Variants in KIAA0319 observed in about 807,000 individuals in gnomAD.
The protein encoded by KIAA0319 is dyslexia-associated protein KIAA0319.
KIAA0319 carries 83 observed loss-of-function variants against 108.4 expected under a neutral mutation model. The observed-to-expected ratio is 0.77, with a 90% CI of 0.64 to 0.92. KIAA0319 has a LOEUF of 0.92. Among genes scored for constraint, KIAA0319 ranks in the 40% least tolerant of loss-of-function variants. KIAA0319 has a pLI of 0.00. For missense variants in KIAA0319, 1,195 were observed against 1,322.4 expected, an observed-to-expected ratio of 0.90 and a Z score of 1.49; for synonymous variants, 484 against 510.4, an observed-to-expected ratio of 0.95 and a Z score of 0.70.
chr6:24,640,076 T>C (rs965268243), intron 1 of KIAA0319, among the ~76,000 whole-genome samples: 63 of 151,448 alleles, frequency 4.2e-4, no homozygotes, highest in Middle Eastern at 3.4e-3. Context: ...AAGGCTGCAA[T>C]TTTTTTTTAT....
chr6:24,548,351 T>C (rs934331393), intron 20 of KIAA0319, among the ~76,000 whole-genome samples: 2 of 152,202 alleles, frequency 1.3e-5, no homozygotes, highest in Admixed American at 6.5e-5. Context: ...AACAACCTCC[T>C]GCCTCACAGA....
At chr6:24,600,374 T>G (rs1039866457) in intron 2 of KIAA0319, among the ~76,000 whole-genome samples, 1 of 152,016 alleles carries the variant, frequency 6.6e-6, no homozygotes, top group African/African-American at 2.4e-5. Flanking sequence ...CTTTCTGGAG[T>G]GGCCCTCACA....
chr6:24,598,789 T>A, intron 2 of KIAA0319: 1 of 254,102 alleles, frequency 3.9e-6, no homozygotes, highest in Non-Finnish European at 7.8e-6. Flanking sequence ...GGCAGGAGAA[T>A]TCCTTGAACC....
chr6:24,555,266 C>A (rs1219418780), intron 18 of KIAA0319, among the ~76,000 whole-genome samples: 1 of 152,048 alleles, frequency 6.6e-6, no homozygotes, highest in African/African-American at 2.4e-5. Flanking sequence ...GGAGGCCGAA[C>A]GGGGCAGATG....
At chr6:24,631,598 G>T (rs2127587911) in intron 1 of KIAA0319, among the ~76,000 whole-genome samples, 1 of 152,230 alleles carries the variant, frequency 6.6e-6, no homozygotes, top group Admixed American at 6.5e-5. Flanking sequence ...CCCTACATTA[G>T]GAAAAACAAT....
chr6:24,634,787 T>C (rs1340984661), intron 1 of KIAA0319, among the ~76,000 whole-genome samples: 1 of 152,172 alleles, frequency 6.6e-6, no homozygotes, highest in Non-Finnish European at 1.5e-5. Context: ...AGGTTAAGGA[T>C]ATGCCTGGAA....
chr6:24,567,764 G>C (rs898823630), intron 13 of KIAA0319, among the ~76,000 whole-genome samples: 1 of 152,140 alleles, frequency 6.6e-6, no homozygotes, highest in Non-Finnish European at 1.5e-5. Context: ...CTTCAGAAAA[G>C]AGGGGCCAGG....
rs576099367 is a variant in KIAA0319 at position 24,591,576 on chromosome 6, G to A, written c.802-2791C>T. On this transcript the variant is annotated intron_variant, in intron 3 of 20. Transcript: ENST00000378214. ...TGCTGCACCGTGGCATTTTGACCTGGGTGTGGAACAAGACCCTGTCTCTCA... is the reference window on the plus strand; with the variant it reads ...TGCTGCACCGTGGCATTTTGACCTGAGTGTGGAACAAGACCCTGTCTCTCA... Among the ~76,000 whole-genome samples, 18 of 152,242 alleles carry A rather than the reference G, an allele frequency of 1.2e-4. No homozygotes were observed. The South Asian group carries it at 3.5e-3, about 30-fold the overall frequency.
At chr6:24,563,336 C>T (rs768276094) in intron 16 of KIAA0319, 23 bp downstream of exon 16, 27 of 1,601,264 alleles carry the variant, frequency 1.7e-5, no homozygotes, top group Middle Eastern at 1.7e-4. Flanking sequence ...GCCAAGGCCC[C>T]GCCTTGAGTG....
At chr6:24,628,763 C>T (rs577275155) in intron 1 of KIAA0319, among the ~76,000 whole-genome samples, 1 of 152,216 alleles carries the variant, frequency 6.6e-6, no homozygotes, top group East Asian at 1.9e-4. Flanking sequence ...CGTCAATCCT[C>T]GGCGTTCCTT....
chr6:24,564,780 C>T (rs1355424916), intron 14 of KIAA0319, among the ~76,000 whole-genome samples: 1 of 152,214 alleles, frequency 6.6e-6, no homozygotes, highest in African/African-American at 2.4e-5. Flanking sequence ...TGTGTAGCGT[C>T]CTCTGTTCTG....
chr6:24,571,842 C>A (rs1414775121), intron 11 of KIAA0319, among the ~76,000 whole-genome samples: 1 of 152,194 alleles, frequency 6.6e-6, no homozygotes, highest in Non-Finnish European at 1.5e-5. Flanking sequence ...TGCATCTCAC[C>A]CAGGTGAGTG....
At chr6:24,564,381 G>A (rs773361182) in intron 14 of KIAA0319, 41 bp from the exon 15 acceptor site, 18 of 1,611,058 alleles carry the variant, frequency 1.1e-5, no homozygotes, top group South Asian at 2.2e-5. Flanking sequence ...GTCAATCCTC[G>A]GGTCCCAATT....
chr6:24,641,608 A>G (rs1776907068), intron 1 of KIAA0319, among the ~76,000 whole-genome samples: 1 of 150,260 alleles, frequency 6.7e-6, no homozygotes, highest in Non-Finnish European at 1.5e-5. Flanking sequence ...CCTATACTAC[A>G]ATAAATTTTG....
chr6:24,566,900 C>A, intron 13 of KIAA0319, 152 bp from the exon 14 acceptor site: 1 of 610,572 alleles, frequency 1.6e-6, no homozygotes, highest in South Asian at 2.7e-5. Flanking sequence ...TCCCCAGATG[C>A]ATATAAGATA....
intron 1 of KIAA0319, among the ~76,000 whole-genome samples, chr6:24,612,047 CAAAAAAAAAAA>C (rs35491702): frequency 7.5e-6 from 1 of 132,942 alleles, no homozygotes; most frequent in Non-Finnish European, 1.7e-5. Context: ...GACTTTGTTT[CAAAAAAAAAAA>C]AAAGAAAAGA....
At chr6:24,616,770 T>C (rs1285042881) in intron 1 of KIAA0319, among the ~76,000 whole-genome samples, 3 of 152,234 alleles carry the variant, frequency 2.0e-5, no homozygotes, top group Non-Finnish European at 4.4e-5. Context: ...TTCTCACTAA[T>C]GAACCACATA....
At chr6:24,640,897 G>A (rs1776828391) in intron 1 of KIAA0319, among the ~76,000 whole-genome samples, 1 of 151,996 alleles carries the variant, frequency 6.6e-6, no homozygotes, top group South Asian at 2.1e-4. Flanking sequence ...CAAGTCATCT[G>A]CCCGCCTCAG....
chr6:24,603,082 CTTAA>C (rs1256698459), intron 1 of KIAA0319, among the ~76,000 whole-genome samples: 4 of 152,168 alleles, frequency 2.6e-5, no homozygotes, highest in African/African-American at 9.7e-5. Flanking sequence ...TAAATCTTGG[CTTAA>C]TTGACAGCAT....
Sources: gnomAD v4.1 joint callset for allele counts (sites outside exome capture counted in the v4.1 genomes callset) on GRCh38, gnomAD v4.1.1 for gene constraint, MANE v1.5 for transcripts, NCBI Gene and HGNC (gene_info 2026-07-23, HGNC 2026-07-21) for gene names.